The following CABP5 variants were observed in gnomAD, a reference collection of about 807,000 sequenced individuals.
The protein encoded by CABP5 is calcium-binding protein 5.
Under a neutral mutation model 21.9 loss-of-function variants are expected in CABP5, and 17 were observed. The observed-to-expected ratio is 0.78, with a 90% CI of 0.53 to 1.17. CABP5 has a LOEUF of 1.17. Among genes scored for constraint, CABP5 ranks in the 50% most tolerant of loss-of-function variants. The pLI, the probability that CABP5 is intolerant of heterozygous loss-of-function variation, is 0.00. For missense variants in CABP5, 229 were observed against 228.9 expected (o/e 1.00, Z 0.00); for synonymous variants, 85 against 79.4 (o/e 1.07, Z -0.37).
Position 48,043,977 on chromosome 19 carries a change from T to C in CABP5, c.-55A>G, listed in dbSNP as rs1393434249. On this transcript the variant is annotated 5_prime_UTR_variant, in exon 1 of 6. Transcript: ENST00000293255. The stretch of plus-strand genomic sequence containing the variant: ...CAGTCTCAAGATGGCCCCTCCTCCC[T>C]GCTCCCTGTCGGAGCTCAGCCTCCT... 1.4e-6 allele frequency: 2 copies of C among 1,453,630 alleles called. No individual in the cohort carries two copies. The highest frequency in any genetic ancestry group is 1.5e-5 in the African/African-American group (1 of 66,994). 90.0% of individuals were successfully genotyped at this position (1,453,630 alleles called of 1,614,324 possible).
At chr19:48,037,285 T>TTTTTTTTTTTTGG (rs1967422079) in intron 4 of CABP5, among the ~76,000 whole-genome samples, 1 of 131,578 alleles carries the variant, frequency 7.6e-6, no homozygotes, top group Non-Finnish European at 1.6e-5. Context: ...TTTTTTTTTT[T>TTTTTTTTTTTTGG]GAGGTGGAGT....
rs779401796 is a variant in CABP5 at position 48,034,231 on chromosome 19, G to C, written c.480C>G (p.Gly160=). The change falls in exon 5 of 6, where the codon GGC becomes GGG. Residue 160 remains glycine, a synonymous_variant. Coordinates refer to ENST00000293255, the MANE Select transcript of CABP5 (RefSeq NM_019855.5). ...VVREADVNGD[G]TVDFEEFVKM... is the part of the protein sequence containing the mutation. ...CAATGTCACCTTCAAAGTCAACTGT[G>C]CCGTCTCCATTAACATCAGCCTCCC... The C allele has an allele frequency of 3.8e-6, 6 of 1,595,558 alleles. No homozygotes were observed. The highest frequency in any genetic ancestry group is 1.4e-5 in the African/African-American group (1 of 73,844).
chr19:48,034,561 T>A (rs958830574), intron 4 of CABP5, among the ~76,000 whole-genome samples, 199 bp from the exon 5 acceptor site: 9 of 148,972 alleles, frequency 6.0e-5, no homozygotes, highest in East Asian at 1.9e-4. Context: ...TTTTTTTTTT[T>A]ATTTGAGACA....
chr19:48,031,091 T>G (rs1967334419), intron 5 of CABP5, among the ~76,000 whole-genome samples: 2 of 152,228 alleles, frequency 1.3e-5, no homozygotes, highest in African/African-American at 4.8e-5. Flanking sequence ...AATTTCAGTA[T>G]GTTGCAGTTT....
chr19:48,034,790 C>G (rs375776514), intron 4 of CABP5, among the ~76,000 whole-genome samples: 1 of 152,056 alleles, frequency 6.6e-6, no homozygotes, highest in Admixed American at 6.6e-5. Context: ...AGTTGATCCA[C>G]CTGCCTCAGC....
At chr19:48,039,148 C>T (rs533379420) in intron 4 of CABP5, 60 bp downstream of exon 4, 1 of 1,352,304 alleles carries the variant, frequency 7.4e-7, no homozygotes, top group South Asian at 1.2e-5. Context: ...TGGCTAATTA[C>T]AGGCAGACCT....
intron 4 of CABP5, among the ~76,000 whole-genome samples, chr19:48,037,494 C>T (rs959715337): frequency 6.6e-6 from 1 of 151,622 alleles, no homozygotes; most frequent in African/African-American, 2.4e-5. Flanking sequence ...TCTCAAACTC[C>T]CGACCTCAGG....
intron 5 of CABP5, among the ~76,000 whole-genome samples, chr19:48,031,172 A>T (rs1049878888): frequency 6.6e-6 from 1 of 152,166 alleles, no homozygotes; most frequent in Non-Finnish European, 1.5e-5. Context: ...GAATCCTAGT[A>T]TTGCTATTTC....
At chr19:48,041,132 G>C (rs1457232060) in intron 2 of CABP5, among the ~76,000 whole-genome samples, 3 of 152,170 alleles carry the variant, frequency 2.0e-5, no homozygotes, top group African/African-American at 7.2e-5. Flanking sequence ...GTAGCAGTGA[G>C]AGGAGATCGT....
intron 4 of CABP5, among the ~76,000 whole-genome samples, chr19:48,035,742 T>TA (rs1967400269): frequency 6.6e-6 from 1 of 151,012 alleles, no homozygotes; most frequent in Non-Finnish European, 1.5e-5. Flanking sequence ...AAGTGGGGAG[T>TA]GTTTAGGGAG....
chr19:48,034,181 G>GC, intron 5 of CABP5, 34 bp downstream of exon 5: 4 of 1,487,956 alleles, frequency 2.7e-6, no homozygotes, highest in Non-Finnish European at 2.7e-6. Flanking sequence ...TGCGGTGGCT[G>GC]CCCCCGCTCC....
rs909633570 is a variant in CABP5, at chr19:48,029,501, G to A, written c.*1056C>T. On this transcript the variant is annotated 3_prime_UTR_variant, in exon 6 of 6. Transcript: ENST00000293255. ...GTTTCATGGCACAGATCGATGTCAG[G>A]ACGTGAGGGACGGAACAGACGACCC... Among the ~76,000 whole-genome samples the A allele has an allele frequency of 9.2e-5, 14 of 152,048 alleles. No individual in the cohort carries two copies. The highest frequency in any genetic ancestry group is 5.9e-4 in the Admixed American group (9 of 15,260).
rs906650889 is a variant in CABP5, at chr19:48,034,437, G to T, written c.349-75C>A. On this transcript the variant is annotated intron_variant, in intron 4 of 5. Transcript: ENST00000293255. ...CACGAGATGATGGAGTTTACCTATC[G>T]CTTACTGTGGGTCAAGCACTGAGAT... The T allele has an allele frequency of 5.9e-6, 7 of 1,190,184 alleles. No homozygotes were observed. In the African/African-American group the frequency reaches 7.8e-5, roughly 13 times the overall value. 73.7% of individuals were successfully genotyped at this position (1,190,184 alleles called of 1,614,324 possible). A position where few individuals can be genotyped will look rare whatever the true frequency, so the allele number is the denominator to read the frequency against.
At chr19:48,043,099 T>C (rs1967503118) in intron 1 of CABP5, among the ~76,000 whole-genome samples, 1 of 151,290 alleles carries the variant, frequency 6.6e-6, no homozygotes, top group African/African-American at 2.4e-5. Context: ...AGCCTCCACT[T>C]CCTGGGCTCA....
chr19:48,040,993 A>G (rs1967474655), intron 2 of CABP5, among the ~76,000 whole-genome samples: 1 of 148,720 alleles, frequency 6.7e-6, no homozygotes, highest in African/African-American at 2.5e-5. Context: ...ACTGACCAAC[A>G]TGGCAGAACC....
At position 48,034,284 on chromosome 19, in the gene CABP5, T is replaced by A; in HGVS notation, c.427A>T (p.Thr143Ser). 6.2e-7 allele frequency: 1 copy of A among 1,608,380 alleles called. No homozygotes were observed. Among genetic ancestry groups the A allele is most frequent in the Non-Finnish European group, 8.5e-7 (1 of 1,177,738 alleles). ...ACAACCTCAGAGATCTCCCGGGGGG[T>A]GAGCCGCTCCCCCAGGAGTCTCTGC... ...AMQRLLGERLTPREISEVVRE... is the reference protein window; with the variant it reads ...AMQRLLGERLSPREISEVVRE... The change falls in exon 5 of 6, where the codon ACC becomes TCC. Residue 143 changes from threonine to serine, a missense_variant. Thr to Ser is a moderately conservative substitution (Grantham distance 58). Transcript: ENST00000293255.
In CABP5 at chr19:48,034,283, G is replaced by A. The variant is rs762226129; in HGVS notation, c.428C>T (p.Thr143Ile). Residue 143 changes from threonine (T) to isoleucine (I), a missense_variant, in exon 5 of 6, where the codon ACC becomes ATC. By Grantham distance (89) the Thr-to-Ile change is moderately conservative. Coordinates refer to ENST00000293255, the MANE Select transcript of CABP5 (RefSeq NM_019855.5). ...AMQRLLGERL[T>I]PREISEVVRE... ...GACAACCTCAGAGATCTCCCGGGGG[G>A]TGAGCCGCTCCCCCAGGAGTCTCTG... The A allele has an allele frequency of 1.9e-6, 3 of 1,608,630 alleles. No homozygotes were observed. The African/African-American group carries it at 4.0e-5, about 22-fold the overall frequency.
intron 1 of CABP5, among the ~76,000 whole-genome samples, chr19:48,043,425 T>C (rs1967507532): frequency 6.7e-6 from 1 of 149,118 alleles, no homozygotes; most frequent in Admixed American, 6.8e-5. Context: ...TGTTCTGAGG[T>C]GTAAATAACA....
rs11384879 is a variant in CABP5, at chr19:48,032,334, C to CTT, written c.497-1754_497-1753dup. On this transcript the variant is annotated intron_variant, in intron 5 of 5. Transcript: ENST00000293255. ...TGCATATCAGACAAATAATTTTGGACTTTTTTTTTTTTTTTCTGGAGACGG... is the reference window on the plus strand; with the variant it reads ...TGCATATCAGACAAATAATTTTGGACTTTTTTTTTTTTTTTTTCTGGAGACGG... Among the ~76,000 whole-genome samples, 233 of 144,178 alleles carry CTT rather than the reference C, an allele frequency of 1.6e-3. 3 individuals carry two copies. Among genetic ancestry groups the CTT allele is most frequent in the Middle Eastern group, 3.4e-3 (1 of 290 alleles). 94.6% of individuals were successfully genotyped at this position (144,178 alleles called of 152,430 possible).
Sources: allele counts gnomAD v4.1 joint callset (sites outside exome capture counted in the v4.1 genomes callset), GRCh38; gene constraint gnomAD v4.1.1; transcripts MANE v1.5; gene names NCBI Gene and HGNC (gene_info 2026-07-23, HGNC 2026-07-21).